NCAM2: variants seen among roughly 807,000 people sequenced by gnomAD.
NCAM2 encodes N-CAM-2.
A neutral mutation model predicts 98.1 loss-of-function variants in NCAM2; 30 were observed. That is an observed-to-expected ratio of 0.31 (90% CI 0.23 to 0.41). NCAM2 has a LOEUF of 0.41. NCAM2 is among the 10% of genes least tolerant of loss of function. The probability of loss-of-function intolerance (pLI) is 1.00; values close to 1 mark genes in which losing one functional copy is unlikely to be tolerated. For synonymous variants in NCAM2, 368 were observed against 342.4 expected (o/e 1.07, Z -0.83); for missense variants, 867 against 1,005.8 (o/e 0.86, Z 1.87).
At chr21:21,026,850 T>G (rs2064557956) in intron 1 of NCAM2, among the ~76,000 whole-genome samples, 1 of 148,408 alleles carries the variant, frequency 6.7e-6, no homozygotes, top group Non-Finnish European at 1.5e-5. Context: ...TCTTTTCTTC[T>G]TCTTCTTTTT....
At chr21:21,129,393 T>A (rs939482467) in intron 1 of NCAM2, among the ~76,000 whole-genome samples, 1 of 152,180 alleles carries the variant, frequency 6.6e-6, no homozygotes, top group Admixed American at 6.5e-5. Context: ...GTTAAAGTAA[T>A]GACTCAACTA....
intron 1 of NCAM2, among the ~76,000 whole-genome samples, chr21:21,082,300 CAAA>C (rs1170070660): frequency 1.2e-5 from 1 of 84,006 alleles, no homozygotes; most frequent in African/African-American, 4.3e-5. Flanking sequence ...AAAAACAAAA[CAAA>C]AACACCTTAT....
intron 1 of NCAM2, among the ~76,000 whole-genome samples, chr21:21,121,157 AT>A (rs1292294537): frequency 6.6e-6 from 1 of 152,234 alleles, no homozygotes; most frequent in Non-Finnish European, 1.5e-5. Context: ...TTCATATAAA[AT>A]ATCTCAGAAG....
At chr21:21,262,304 T>C (rs763491516) in intron 1 of NCAM2, among the ~76,000 whole-genome samples, 2 of 152,122 alleles carry the variant, frequency 1.3e-5, no homozygotes, top group Non-Finnish European at 2.9e-5. Flanking sequence ...ACTAATCTTA[T>C]TGAATATGTT....
intron 1 of NCAM2, among the ~76,000 whole-genome samples, chr21:21,076,657 A>AT (rs1440222130): frequency 6.6e-6 from 1 of 152,196 alleles, no homozygotes; most frequent in Non-Finnish European, 1.5e-5. Flanking sequence ...ACTAGTACAT[A>AT]TAAGTCACGA....
rs770485182 is a variant in NCAM2, at chr21:21,410,267, A to G, written c.1196-7A>G. The G allele has an allele frequency of 2.1e-6, 3 of 1,459,092 alleles. No homozygotes were observed. Among genetic ancestry groups the G allele is most frequent in the South Asian group, 2.8e-5 (2 of 70,310 alleles). The allele number at this position is 1,459,092 out of a possible 1,614,324, so 90.4% of individuals were successfully genotyped here. A position where few individuals can be genotyped will look rare whatever the true frequency, so the allele number is the denominator to read the frequency against. On this transcript the variant is annotated splice_polypyrimidine_tract_variant and splice_region_variant and intron_variant, in intron 9 of 17. Coordinates refer to ENST00000400546, the MANE Select transcript of NCAM2 (RefSeq NM_004540.5). ...GCCTATAATTATTTTATTATATTGT[A>G]TTACAGATGCCCCCAAGTTTATATC...
intron 16 of NCAM2, among the ~76,000 whole-genome samples, chr21:21,515,173 A>G (rs1988641910): frequency 6.6e-6 from 1 of 152,178 alleles, no homozygotes; most frequent in South Asian, 2.1e-4. Context: ...TAAATAATCT[A>G]GATTTACTTA....
At chr21:21,374,088 C>A in intron 9 of NCAM2, 75 bp downstream of exon 9, 1 of 1,400,726 alleles carries the variant, frequency 7.1e-7, no homozygotes, top group Non-Finnish European at 9.8e-7. Flanking sequence ...CAATAAAGAC[C>A]AAAATATATA....
At chr21:21,309,289 C>A (rs555865609) in intron 5 of NCAM2, among the ~76,000 whole-genome samples, 87 of 151,806 alleles carry the variant, frequency 5.7e-4, no homozygotes, top group African/African-American at 1.7e-3. Flanking sequence ...TTTTGTTGTT[C>A]TTTTCAATAT....
At chr21:21,064,136 T>C (rs1271848168) in intron 1 of NCAM2, among the ~76,000 whole-genome samples, 1 of 152,118 alleles carries the variant, frequency 6.6e-6, no homozygotes, top group Admixed American at 6.5e-5. Context: ...CAAAATTAGG[T>C]CAGTGTGGCT....
At chr21:21,396,885 T>C (rs2826828) in intron 9 of NCAM2, among the ~76,000 whole-genome samples, 3 of 152,198 alleles carry the variant, frequency 2.0e-5, no homozygotes, top group African/African-American at 7.2e-5. Flanking sequence ...AGCTCTTCTC[T>C]CCTTCTCATT....
At chr21:21,323,134 T>C (rs2074421159) in intron 5 of NCAM2, among the ~76,000 whole-genome samples, 1 of 152,132 alleles carries the variant, frequency 6.6e-6, no homozygotes, top group Non-Finnish European at 1.5e-5. Context: ...AGGTAAAACA[T>C]GCATTTTGTT....
At chr21:21,376,051 C>G (rs2084160254) in intron 9 of NCAM2, among the ~76,000 whole-genome samples, 1 of 151,744 alleles carries the variant, frequency 6.6e-6, no homozygotes, top group African/African-American at 2.4e-5. Flanking sequence ...AATAATAGGA[C>G]TAGCTAATAT....
intron 15 of NCAM2, among the ~76,000 whole-genome samples, chr21:21,487,391 A>T (rs1004931166): frequency 2.7e-5 from 4 of 150,390 alleles, no homozygotes; most frequent in Non-Finnish European, 4.4e-5. Context: ...CCATCCAATG[A>T]TTTTTTTTTC....
intron 1 of NCAM2, chr21:21,223,796 A>G (rs973999986): frequency 1.2e-4 from 19 of 152,318 alleles, no homozygotes; most frequent in African/African-American, 4.6e-4. Flanking sequence ...TCAATGCTTT[A>G]TCTCAAAACA....
intron 1 of NCAM2, among the ~76,000 whole-genome samples, chr21:21,277,185 C>A (rs1601844379): frequency 6.6e-6 from 1 of 152,072 alleles, no homozygotes; most frequent in Non-Finnish European, 1.5e-5. Flanking sequence ...TCAATACAGT[C>A]GGTGTTCTAT....
intron 1 of NCAM2, among the ~76,000 whole-genome samples, chr21:21,055,807 C>A (rs1332846752): frequency 6.6e-6 from 1 of 151,976 alleles, no homozygotes; most frequent in Non-Finnish European, 1.5e-5. Flanking sequence ...CAGTAATAAT[C>A]GAGCCTAACT....
At chr21:21,284,108 A>T in intron 2 of NCAM2, 86 bp from the exon 3 acceptor site, 1 of 1,009,214 alleles carries the variant, frequency 9.9e-7, no homozygotes, top group Non-Finnish European at 1.5e-6. Flanking sequence ...CTAAATGGTT[A>T]ATATTATTAC....
intron 7 of NCAM2, among the ~76,000 whole-genome samples, chr21:21,336,839 G>A (rs1390676597): frequency 1.3e-5 from 2 of 152,158 alleles, no homozygotes; most frequent in East Asian, 3.9e-4. Context: ...AAATCAGGAA[G>A]CATTGAATAA....
Sources: allele counts gnomAD v4.1 joint callset (sites outside exome capture counted in the v4.1 genomes callset), GRCh38; gene constraint gnomAD v4.1.1; transcripts MANE v1.5; gene names NCBI Gene and HGNC (gene_info 2026-07-23, HGNC 2026-07-21).